Variants in MAN2C1 observed in about 807,000 individuals in gnomAD.
MAN2C1 encodes alpha-mannosidase 2C1.
MAN2C1 carries 111 observed loss-of-function variants against 126.9 expected under a neutral mutation model. The observed-to-expected ratio is 0.87, with a 90% CI of 0.75 to 1.02. The LOEUF (loss-of-function observed/expected upper bound fraction) is 1.02. Ranked by LOEUF, MAN2C1 falls within the 50% of genes least tolerant of loss-of-function variation. MAN2C1 has a pLI of 0.00. For synonymous variants in MAN2C1, 567 were observed against 561.5 expected, an observed-to-expected ratio of 1.01 and a Z score of -0.14; for missense variants, 1,363 against 1,364.4, an observed-to-expected ratio of 1.00 and a Z score of 0.02.
rs1298654490 is a variant in MAN2C1, at chr15:75,368,033, C to G, written c.227+40G>C. 5 of 1,578,230 alleles carry G rather than the reference C, an allele frequency of 3.2e-6. No individual in the cohort carries two copies. The South Asian group carries it at 5.7e-5, about 18-fold the overall frequency. On this transcript the variant is annotated intron_variant, in intron 2 of 25. Transcript: ENST00000267978. ...GCTGGGAGCTGGGTTGGGACTTCCC[C>G]TAGGCCTGTGGCCCCGCCCACCCGC...
chr15:75,361,448 C>G lies in MAN2C1; in HGVS notation c.1219-67G>C. The G allele has an allele frequency of 7.2e-7, 1 of 1,383,856 alleles. No individual in the cohort carries two copies. The highest frequency in any genetic ancestry group is 1.0e-6 in the Non-Finnish European group (1 of 979,022). The allele number at this position is 1,383,856 out of a possible 1,614,324, so 85.7% of individuals were successfully genotyped here. A position where few individuals can be genotyped will look rare whatever the true frequency, so the allele number is the denominator to read the frequency against. ...CAGGGCTGAGGCAGAGCCAGGCCTT[C>G]CAGACTTGGTCCTGCCCCTGCCTGC... On this transcript the variant is annotated intron_variant, in intron 10 of 25. Transcript: ENST00000267978. The surrounding 1 kb of genome is among the most constrained non-coding windows in gnomAD (Gnocchi z 5.0).
intron 1 of MAN2C1, 118 bp from the exon 2 acceptor site, chr15:75,368,316 C>G (rs1026775411): frequency 4.7e-6 from 7 of 1,476,378 alleles, no homozygotes; most frequent in Admixed American, 2.3e-5. Flanking sequence ...TGCCTGGCCG[C>G]TCCGCGGCAC....
In MAN2C1 at chr15:75,356,716, CTG is replaced by C; in HGVS notation, c.2658-33_2658-32del. 1.2e-6 allele frequency: 2 copies of C among 1,611,920 alleles called. No individual in the cohort carries two copies. Among genetic ancestry groups the C allele is most frequent in the Non-Finnish European group, 1.7e-6 (2 of 1,178,980 alleles). ...GTGAGGAGGGCGCGTAGGGGCCACGCTGAAGCTGTTGGAGTTGTGGTCGGGAA... is the reference window on the plus strand; with the variant it reads ...GTGAGGAGGGCGCGTAGGGGCCACGCAAGCTGTTGGAGTTGTGGTCGGGAA... On this transcript the variant is annotated intron_variant, in intron 22 of 25. Transcript: ENST00000267978. The surrounding 1 kb of genome is among the most constrained non-coding windows in gnomAD (Gnocchi z 5.8).
At chr15:75,360,826 G>C in intron 12 of MAN2C1, 138 bp from the exon 13 acceptor site, 2 of 1,241,808 alleles carry the variant, frequency 1.6e-6, no homozygotes, top group Non-Finnish European at 2.2e-6. Context: ...GGCCAGCCCT[G>C]GACGCCCTAG....
At position 75,366,719 on chromosome 15, in the gene MAN2C1, C is replaced by G. The variant is rs377567625; in HGVS notation, c.352-127G>C. On this transcript the variant is annotated intron_variant, in intron 3 of 25. Coordinates refer to ENST00000267978, the MANE Select transcript of MAN2C1 (RefSeq NM_006715.4). ...TCTGGGTCCTCTCTCCCAAGCAGGGCCAAGATTGGCAAATCAGGGACCCTT... is the reference window on the plus strand; with the variant it reads ...TCTGGGTCCTCTCTCCCAAGCAGGGGCAAGATTGGCAAATCAGGGACCCTT... The G allele has an allele frequency of 4.9e-6, 3 of 618,126 alleles. No individual in the cohort carries two copies. In the African/African-American group the frequency reaches 5.7e-5, roughly 12 times the overall value. 38.3% of individuals were successfully genotyped at this position (618,126 alleles called of 1,614,324 possible).
rs1396756933 is a variant in MAN2C1, at chr15:75,368,587, C to T, written c.-4G>A. ...TCAAGGCCGGCGCAGCCGCCATCGCCGGGCTCTCGCTCCTCTTTCCGGAAG... is the reference window on the plus strand; with the variant it reads ...TCAAGGCCGGCGCAGCCGCCATCGCTGGGCTCTCGCTCCTCTTTCCGGAAG... On this transcript the variant is annotated 5_prime_UTR_variant, in exon 1 of 26. Transcript: ENST00000267978. 5 of 1,539,258 alleles carry T rather than the reference C, an allele frequency of 3.2e-6. No individual in the cohort carries two copies. The South Asian group carries it at 3.6e-5, about 11-fold the overall frequency.
At chr15:75,360,815 T>C (rs2072451629) in intron 12 of MAN2C1, 127 bp from the exon 13 acceptor site, 2 of 1,319,636 alleles carry the variant, frequency 1.5e-6, no homozygotes, top group Non-Finnish European at 1.0e-6. Context: ...CGTTCACAGA[T>C]GGCCAGCCCT....
chr15:75,364,369 G>T, intron 5 of MAN2C1, 119 bp downstream of exon 5: 1 of 1,296,956 alleles, frequency 7.7e-7, no homozygotes, highest in Non-Finnish European at 1.0e-6. Flanking sequence ...CAACCCTCAA[G>T]CAGGTGGAAA....
Position 75,355,874 on chromosome 15 carries a change from C to G in MAN2C1, c.*32G>C. 6.2e-7 allele frequency: 1 copy of G among 1,613,594 alleles called. No individual in the cohort carries two copies. Among genetic ancestry groups the G allele is most frequent in the Non-Finnish European group, 8.5e-7 (1 of 1,179,742 alleles). ...AAGCAGAAATTAGGAGTCCCCAGAG[C>G]CTTCTACAAACAAAACCCCAGCCCC... On this transcript the variant is annotated 3_prime_UTR_variant, in exon 26 of 26. Transcript: ENST00000267978.
chr15:75,368,568 C>T lies in MAN2C1; in HGVS notation c.16G>A (p.Ala6Thr). 1 of 1,545,878 alleles carries T rather than the reference C, an allele frequency of 6.5e-7. No individual in the cohort carries two copies. The highest frequency in any genetic ancestry group is 1.2e-5 in the South Asian group (1 of 83,958). The change falls in exon 1 of 26, where the codon GCC becomes ACC. Residue 6 changes from alanine to threonine, a missense_variant. This residue lies in a region of MAN2C1 where 628 missense variants were observed against 609.8 expected (regional missense o/e 1.03). Transcript: ENST00000267978. Reference protein sequence around the residue: MAAAPALKHWRTTLER... With the variant: MAAAPTLKHWRTTLER... ...AGCGTGGTGCGCCAGTGCTTCAAGG[C>T]CGGCGCAGCCGCCATCGCCGGGCTC...
Position 75,362,995 on chromosome 15 carries a change from A to G in MAN2C1, c.791-247T>C, listed in dbSNP as rs2072505748. 1 of 504,364 alleles carries G rather than the reference A, an allele frequency of 2.0e-6. No homozygotes were observed. Among genetic ancestry groups the G allele is most frequent in the African/African-American group, 1.9e-5 (1 of 51,552 alleles). The allele number at this position is 504,364 out of a possible 1,614,324, so 31.2% of individuals were successfully genotyped here. A position where few individuals can be genotyped will look rare whatever the true frequency, so the allele number is the denominator to read the frequency against. On this transcript the variant is annotated intron_variant, in intron 6 of 25. Transcript: ENST00000267978. This position sits in a 1 kb window ranked among gnomAD's most constrained non-coding sequence, Gnocchi z 4.5. ...GGAAATGGAGGCTCCAGGCCCCAGA[A>G]TAGCCTCAGTCCTCTTGGGGAATTA...
At chr15:75,363,184 C>A in intron 6 of MAN2C1, 1 of 457,238 alleles carries the variant, frequency 2.2e-6, no homozygotes, top group South Asian at 1.5e-5. Flanking sequence ...TCCTCCCTTA[C>A]CAGCCCAGAA....
chr15:75,359,555 C>T (rs1188968040), intron 16 of MAN2C1, 65 bp downstream of exon 16: 5 of 1,593,422 alleles, frequency 3.1e-6, no homozygotes, highest in Non-Finnish European at 4.3e-6. Context: ...CGGGGTATCC[C>T]AGGCCTGATC....
rs749691453 is a variant in MAN2C1 at position 75,356,416 on chromosome 15, G to A, written c.2771C>T (p.Ala924Val). The A allele has an allele frequency of 9.9e-6, 16 of 1,608,584 alleles. No individual in the cohort carries two copies. The highest frequency in any genetic ancestry group is 8.5e-7 in the Non-Finnish European group (1 of 1,178,094). ...SFQDAGVIQA[A>V]YSLNFPLLAL... Reference sequence around the variant, plus strand: ...CAACAGGGGGAAGTTTAGGCTGTAGGCAGCTTGGATAACGCCAGCATCCTG... The same window carrying A: ...CAACAGGGGGAAGTTTAGGCTGTAGACAGCTTGGATAACGCCAGCATCCTG... Residue 924 changes from alanine to valine, a missense_variant, in exon 24 of 26, where the codon GCC becomes GTC. By Grantham distance (64) the Ala-to-Val change is moderately conservative. This residue lies in a region of MAN2C1 where 668 missense variants were observed against 650.1 expected (regional missense o/e 1.03). Transcript: ENST00000267978. The surrounding 1 kb of genome is among the most constrained non-coding windows in gnomAD (Gnocchi z 5.8).
At position 75,366,706 on chromosome 15, in the gene MAN2C1, C is replaced by T. The variant is rs574009219; in HGVS notation, c.352-114G>A. On this transcript the variant is annotated intron_variant, in intron 3 of 25. Transcript: ENST00000267978. ...TCTGGTTCCCAGCTCTGGGTCCTCT[C>T]TCCCAAGCAGGGCCAAGATTGGCAA... 3.2e-5 allele frequency: 23 copies of T among 721,436 alleles called. No homozygotes were observed. In the South Asian group the frequency reaches 4.5e-4, roughly 14 times the overall value. The allele number at this position is 721,436 out of a possible 1,614,324, so 44.7% of individuals were successfully genotyped here. A position where few individuals can be genotyped will look rare whatever the true frequency, so the allele number is the denominator to read the frequency against.
In MAN2C1 at chr15:75,359,401, C is replaced by T. The variant is rs1488551619; in HGVS notation, c.1973G>A (p.Gly658Asp). ...GGTGGGGGGAGGAACAGGAGCATAG[C>T]CCATGCTGGGCACTGTCACCAGGGC... is the stretch of plus-strand genomic sequence containing the variant. The part of the protein sequence containing the change: ...SLALVTVPSM[G>D]YAPVPPPTSL... Residue 658 changes from glycine to aspartate, a missense_variant, in exon 17 of 26, where the codon GGC becomes GAC. Coordinates refer to ENST00000267978, the MANE Select transcript of MAN2C1 (RefSeq NM_006715.4). 6.2e-7 allele frequency: 1 copy of T among 1,610,470 alleles called. No homozygotes were observed. The highest frequency in any genetic ancestry group is 8.5e-7 in the Non-Finnish European group (1 of 1,179,256).
Position 75,358,523 on chromosome 15 carries a change from C to G in MAN2C1, c.2342G>C (p.Ser781Thr). Reference protein sequence around the residue: ...AWFLLQISPNSRLSQEVVLDV... With the variant: ...AWFLLQISPNTRLSQEVVLDV... The stretch of plus-strand genomic sequence containing the variant: ...CAGCACAACCTCCTGGCTAAGCCGA[C>G]TGTTGGGGCTGATCTGTAGCAAGAA... Residue 781 changes from serine to threonine, a missense_variant, in exon 20 of 26, where the codon AGT (serine) becomes ACT (threonine). Around this residue, in one of 3 missense-constraint regions of MAN2C1, gnomAD observed 668 missense variants for 650.1 expected, o/e 1.03. Transcript: ENST00000267978. The G allele has an allele frequency of 6.2e-7, 1 of 1,613,500 alleles. No individual in the cohort carries two copies. Among genetic ancestry groups the G allele is most frequent in the Non-Finnish European group, 8.5e-7 (1 of 1,180,028 alleles).
chr15:75,366,667 G>A (rs1367366726), intron 3 of MAN2C1, 75 bp from the exon 4 acceptor site: 10 of 1,100,052 alleles, frequency 9.1e-6, no homozygotes, highest in South Asian at 1.5e-5. Context: ...GCCATGGGGA[G>A]TCAGGCCCCT....
Position 75,356,656 on chromosome 15 carries a change from G to T in MAN2C1, c.2687C>A (p.Thr896Asn). ...LLRAPKAPDA[T>N]ADTGRHEFTY... ...GAACTCGTGGCGCCCCGTGTCAGCA[G>T]TAGCGTCCGGGGCTTTAGGCGCCCG... is the stretch of plus-strand genomic sequence containing the variant. Residue 896 changes from threonine (T) to asparagine (N), a missense_variant, in exon 23 of 26, where the codon ACT becomes AAT. Thr to Asn is a moderately conservative substitution (Grantham distance 65, BLOSUM62 0). Transcript: ENST00000267978. This position sits in a 1 kb window ranked among gnomAD's most constrained non-coding sequence, Gnocchi z 5.8. 6.3e-7 allele frequency: 1 copy of T among 1,580,374 alleles called. No homozygotes were observed. Among genetic ancestry groups the T allele is most frequent in the Non-Finnish European group, 8.6e-7 (1 of 1,163,470 alleles).
Sources: allele counts gnomAD v4.1 joint callset, GRCh38; gene constraint gnomAD v4.1.1; regional missense constraint gnomAD v4.1.1; non-coding constraint Gnocchi (gnomAD v3.1); transcripts MANE v1.5; gene names NCBI Gene and HGNC (gene_info 2026-07-23, HGNC 2026-07-21).